The following GRIP2 variants were observed in gnomAD, a reference collection of about 807,000 sequenced individuals.
GRIP2 encodes glutamate receptor-interacting protein 2.
Under a neutral mutation model 108.3 loss-of-function variants are expected in GRIP2, and 58 were observed. The observed-to-expected ratio is 0.54, with a 90% confidence interval of 0.43 to 0.67. The LOEUF (loss-of-function observed/expected upper bound fraction) is 0.67, where lower values mean the gene tolerates loss of function less well. Ranked by LOEUF, GRIP2 falls within the 30% of genes least tolerant of loss-of-function variation. The pLI, the probability that GRIP2 is intolerant of heterozygous loss-of-function variation, is 0.00. For synonymous variants in GRIP2, 586 were observed against 598.2 expected (o/e 0.98, Z 0.30); for missense variants, 1,278 against 1,430.6 (o/e 0.89, Z 1.72).
At chr3:14,590,980 A>C in the GRIP2 span, among the ~76,000 whole-genome samples, 3 of 152,222 alleles carry the variant, frequency 2.0e-5, no homozygotes, top group Non-Finnish European at 4.4e-5. Flanking sequence ...CCTGTGAGCC[A>C]GATGTGGCTA....
At chr3:14,587,373 G>A in the GRIP2 span, among the ~76,000 whole-genome samples, 1 of 152,214 alleles carries the variant, frequency 6.6e-6, no homozygotes, top group Non-Finnish European at 1.5e-5. Flanking sequence ...TACTAAGTTA[G>A]GCAAAACTTT....
chr3:14,554,913 T>TTC (rs1695210179), intron 1 of GRIP2, among the ~76,000 whole-genome samples: 1 of 152,174 alleles, frequency 6.6e-6, no homozygotes, highest in South Asian at 2.1e-4. Context: ...TGAGTGCATG[T>TTC]CTGTCACTGC....
chr3:14,564,988 A>G, the GRIP2 span, among the ~76,000 whole-genome samples: 6,831 of 152,306 alleles, frequency 0.045, 540 homozygotes, highest in African/African-American at 0.15. Context: ...GAGCAAACAC[A>G]GCACCCCGAG....
chr3:14,557,970 C>T (rs984471828), upstream of GRIP2, among the ~76,000 whole-genome samples: 2 of 152,184 alleles, frequency 1.3e-5, no homozygotes, highest in South Asian at 2.1e-4. Flanking sequence ...ACAGTAGGTG[C>T]TAGATAAATA....
At chr3:14,579,479 G>A in the GRIP2 span, among the ~76,000 whole-genome samples, 1 of 152,204 alleles carries the variant, frequency 6.6e-6, no homozygotes. Context: ...TGTGTGATCG[G>A]ATGGGAGGAC....
rs569508103 is a variant in GRIP2, at chr3:14,517,186, G to A, written c.1184C>T (p.Pro395Leu). 119 of 1,600,130 alleles carry A rather than the reference G, an allele frequency of 7.4e-5. No homozygotes were observed. Among genetic ancestry groups the A allele is most frequent in the South Asian group, 3.3e-4 (29 of 89,154 alleles). The change falls in exon 11 of 24, where the codon CCG becomes CTG. Residue 395 changes from proline (P) to leucine (L), a missense_variant. Coordinates refer to ENST00000621039, the MANE Select transcript of GRIP2 (RefSeq NM_001080423.4). ...GCAGGAAAAGGCGTGGTTCAAGGTCGGCGAGGAAAAGGGAGTTGAAGACAA... is the reference window on the plus strand; with the variant it reads ...GCAGGAAAAGGCGTGGTTCAAGGTCAGCGAGGAAAAGGGAGTTGAAGACAA... ...RSLSSTPFSS[P>L]TLNHAFSCNN...
In GRIP2 at chr3:14,522,352, C is replaced by T. The variant is rs912487855; in HGVS notation, c.567-565G>A. The T allele has an allele frequency of 1.2e-4, 18 of 152,774 alleles. No homozygotes were observed. Among genetic ancestry groups the T allele is most frequent in the Non-Finnish European group, 1.5e-5 (1 of 68,554 alleles). 9.5% of individuals were successfully genotyped at this position (152,774 alleles called of 1,614,324 possible). A position where few individuals can be genotyped will look rare whatever the true frequency, so the allele number is the denominator to read the frequency against. ...TTCACCTCGGTTTGGGTCGCATCCC[C>T]AGCCTGGAACGCCTCTCCCAACAGG... is the stretch of plus-strand genomic sequence containing the variant. On this transcript the variant is annotated intron_variant, in intron 6 of 23. Transcript: ENST00000621039. The surrounding 1 kb of genome is among the most constrained non-coding windows in gnomAD (Gnocchi z 4.3).
At position 14,505,722 on chromosome 3, in the gene GRIP2, C is replaced by T. The variant is rs766665902; in HGVS notation, c.2466G>A (p.Arg822=). 6.9e-6 allele frequency: 11 copies of T among 1,588,800 alleles called. No homozygotes were observed. Among genetic ancestry groups the T allele is most frequent in the East Asian group, 2.3e-5 (1 of 43,632 alleles). Residue 822 remains arginine (R), a synonymous_variant, in exon 20 of 24, where the codon AGG becomes AGA. Coordinates refer to ENST00000621039, the MANE Select transcript of GRIP2 (RefSeq NM_001080423.4). This position sits in a 1 kb window ranked among gnomAD's most constrained non-coding sequence, Gnocchi z 4.2. ...GGGGCTCGGTGGGTGGGGGGCTGCC[C>T]CTCAGCCAGCCAGGCCTCCGCTCCT... ...TPQERRPGWL[R]GSPPPTEPRR...
Position 14,517,139 on chromosome 3 carries a change from G to A in GRIP2, c.1231C>T (p.Arg411Cys), listed in dbSNP as rs190866851. 5.3e-5 allele frequency: 86 copies of A among 1,610,646 alleles called. No individual in the cohort carries two copies. The Admixed American group carries it at 7.8e-4, about 15-fold the overall frequency. The change falls in exon 11 of 24, where the codon CGT becomes TGT. Residue 411 changes from arginine (R) to cysteine (C), a missense_variant. Transcript: ENST00000621039. ...CGAGGACTCATGGGCTGGGATCCAC[G>A]GGGAAGGGTGCTGGGGTTGTTGCAG... ...FSCNNPSTLP[R>C]GSQPMSPRTT... is the part of the protein sequence containing the mutation.
chr3:14,555,161 C>A (rs1695216139), intron 1 of GRIP2, among the ~76,000 whole-genome samples: 1 of 152,130 alleles, frequency 6.6e-6, no homozygotes, highest in Non-Finnish European at 1.5e-5. Context: ...AGGGATGGCA[C>A]CCGGCACAGG....
At chr3:14,527,273 A>T (rs1231180429) in intron 1 of GRIP2, among the ~76,000 whole-genome samples, 1 of 151,980 alleles carries the variant, frequency 6.6e-6, no homozygotes, top group Non-Finnish European at 1.5e-5. Flanking sequence ...AAGGGAAGGT[A>T]TTTCTTTTCC....
the GRIP2 span, among the ~76,000 whole-genome samples, chr3:14,592,358 G>A: frequency 2.0e-5 from 3 of 152,224 alleles, no homozygotes; most frequent in Admixed American, 2.0e-4. Context: ...AAAGAGCCCC[G>A]AGGCCGAGTC....
chr3:14,540,751 G>T (rs138120823), upstream of GRIP2, among the ~76,000 whole-genome samples: 2,912 of 152,164 alleles, frequency 0.019, 36 homozygotes, highest in Middle Eastern at 0.027. This position sits in a 1 kb window ranked among gnomAD's most constrained non-coding sequence, Gnocchi z 4.1. Context: ...AGAACCCCAG[G>T]ACATAAGCTA....
chr3:14,519,894 C>T (rs1040980425), intron 9 of GRIP2, among the ~76,000 whole-genome samples: 1 of 152,112 alleles, frequency 6.6e-6, no homozygotes, highest in African/African-American at 2.4e-5. Context: ...GGCATCTATG[C>T]CAGCAGACTC....
At chr3:14,531,909 G>A in intron 1 of GRIP2, among the ~76,000 whole-genome samples, 1 of 152,168 alleles carries the variant, frequency 6.6e-6, no homozygotes, top group East Asian at 1.9e-4. Context: ...GGCTCCCTGC[G>A]CTGCCTCAGG....
rs762829468 is a variant in GRIP2 at position 14,513,773 on chromosome 3, T to C, written c.1531A>G (p.Ile511Val). ...CCGTCCTCGGTGGCAATGCCATTGATGGACAGGACACGGTCCCCCACCTGC... is the reference window on the plus strand; with the variant it reads ...CCGTCCTCGGTGGCAATGCCATTGACGGACAGGACACGGTCCCCCACCTGC... ...LLQVGDRVLS[I>V]NGIATEDGTM... is the part of the protein sequence containing the mutation. The change falls in exon 13 of 24, where the codon ATC becomes GTC. Residue 511 changes from isoleucine (I) to valine (V), a missense_variant. Physicochemically the swap from Ile to Val is conservative, Grantham distance 29. Transcript: ENST00000621039. 5 of 1,612,722 alleles carry C rather than the reference T, an allele frequency of 3.1e-6. No homozygotes were observed. The highest frequency in any genetic ancestry group is 4.2e-6 in the Non-Finnish European group (5 of 1,179,548).
rs1242653754 is a variant in GRIP2 at position 14,521,812 on chromosome 3, C to T, written c.567-25G>A. 8 of 1,556,118 alleles carry T rather than the reference C, an allele frequency of 5.1e-6. No homozygotes were observed. The highest frequency in any genetic ancestry group is 6.9e-6 in the Non-Finnish European group (8 of 1,151,084). ...CCTGTAGGGAAGGGCCAGTCACCAG[C>T]CTGGCCCGGCAGCAGCACTGGGCAC... On this transcript the variant is annotated intron_variant, in intron 6 of 23. Coordinates refer to ENST00000621039, the MANE Select transcript of GRIP2 (RefSeq NM_001080423.4). The surrounding 1 kb of genome is among the most constrained non-coding windows in gnomAD (Gnocchi z 5.1).
the GRIP2 span, among the ~76,000 whole-genome samples, chr3:14,569,462 T>C: frequency 6.6e-6 from 1 of 152,152 alleles, no homozygotes; most frequent in African/African-American, 2.4e-5. Context: ...GCCTAGGGGA[T>C]ACAGTCAGGG....
chr3:14,507,612 G>A lies in GRIP2; in HGVS notation c.2167C>T (p.Leu723=). ...GTGACGGTCTCTCCAGCCACCTGCA[G>A]GAGGTGGATGGCCTCGCTCAGCGGC... ...GRPLSEAIHL[L]QVAGETVTLK... The change falls in exon 18 of 24, where the codon CTG becomes TTG. Residue 723 remains leucine (L), a synonymous_variant. Coordinates refer to ENST00000621039, the MANE Select transcript of GRIP2 (RefSeq NM_001080423.4). This position sits in a 1 kb window ranked among gnomAD's most constrained non-coding sequence, Gnocchi z 4.6. The A allele has an allele frequency of 3.1e-6, 5 of 1,614,064 alleles. No homozygotes were observed. The highest frequency in any genetic ancestry group is 4.2e-6 in the Non-Finnish European group (5 of 1,179,894).
Sources: allele counts gnomAD v4.1 joint callset (sites outside exome capture counted in the v4.1 genomes callset), GRCh38; gene constraint gnomAD v4.1.1; non-coding constraint Gnocchi (gnomAD v3.1); transcripts MANE v1.5; gene names NCBI Gene and HGNC (gene_info 2026-07-23, HGNC 2026-07-21).